MAPK8IP3: variants seen among roughly 807,000 people sequenced by gnomAD.
MAPK8IP3 encodes mitogen-activated protein kinase 8 interacting protein 3, also known as C-Jun-amino-terminal kinase-interacting protein 3.
A neutral mutation model predicts 157.8 loss-of-function variants in MAPK8IP3; 49 were observed. The ratio of observed to expected loss-of-function variants is 0.31; its 90% CI spans 0.25 to 0.39. MAPK8IP3 has a LOEUF of 0.39. MAPK8IP3 is among the 10% of genes least tolerant of loss of function. The pLI, the probability that MAPK8IP3 is intolerant of heterozygous loss-of-function variation, is 1.00. For synonymous variants in MAPK8IP3, 897 were observed against 777.7 expected, an observed-to-expected ratio of 1.15 and a Z score of -2.55; for missense variants, 1,478 against 1,889.4, an observed-to-expected ratio of 0.78 and a Z score of 4.04.
In MAPK8IP3 at chr16:1,767,221, C is replaced by T. The variant is rs1314241666; in HGVS notation, c.3161C>T (p.Ala1054Val). ...CCGCACCACTCCATCCGCTGCATGG[C>T]TGTTGTGTACGACCGCGTGTGGTGT... The part of the protein sequence containing the change: ...GHPHHSIRCM[A>V]VVYDRVWCGY... The change falls in exon 26 of 32, where the codon GCT (alanine) becomes GTT (valine). Residue 1054 changes from alanine to valine, a missense_variant. Around this residue, in one of 11 missense-constraint regions of MAPK8IP3, gnomAD observed 669 missense variants for 759.8 expected, o/e 0.88. Transcript: ENST00000610761. The T allele has an allele frequency of 1.2e-6, 2 of 1,613,500 alleles. No individual in the cohort carries two copies. The highest frequency in any genetic ancestry group is 1.1e-5 in the South Asian group (1 of 91,088).
In MAPK8IP3 at chr16:1,706,204, A is replaced by AGCG. The variant is rs975580391; in HGVS notation, c.-125_-123dup. The AGCG allele has an allele frequency of 5.8e-5, 38 of 659,012 alleles. 1 individual carries two copies. Among genetic ancestry groups the AGCG allele is most frequent in the South Asian group, 5.2e-4 (9 of 17,228 alleles). 40.8% of individuals were successfully genotyped at this position (659,012 alleles called of 1,614,324 possible). On this transcript the variant is annotated 5_prime_UTR_variant, in exon 1 of 32. Coordinates refer to ENST00000610761, the MANE Select transcript of MAPK8IP3 (RefSeq NM_001318852.2). The surrounding 1 kb of genome is among the most constrained non-coding windows in gnomAD (Gnocchi z 5.1). The stretch of plus-strand genomic sequence containing the variant: ...AGTGAGTGACGGGCGCAGCCTCGGC[A>AGCG]GCGGCGGCGGCGGAGCCCTGAGGCG...
rs1193222201 is a variant in MAPK8IP3 at position 1,769,225 on chromosome 16, CCCACCTCTGCATGCTGCTCATGGGG to C, written c.*407_*431del. 4.1e-6 allele frequency: 1 copy of C among 242,954 alleles called. No homozygotes were observed. The highest frequency in any genetic ancestry group is 8.2e-6 in the Non-Finnish European group (1 of 121,980). The allele number at this position is 242,954 out of a possible 1,614,324, so 15.0% of individuals were successfully genotyped here. A position where few individuals can be genotyped will look rare whatever the true frequency, so the allele number is the denominator to read the frequency against. ...CGCCGCCGAGGCTGCCTGCCCTGGG[CCCACCTCTGCATGCTGCTCATGGGG>C]CCACCCTGCCTCCTGGGCCCTCACT... On this transcript the variant is annotated 3_prime_UTR_variant, in exon 32 of 32. Transcript: ENST00000610761.
At chr16:1,722,289 C>T (rs2038577863) in intron 1 of MAPK8IP3, among the ~76,000 whole-genome samples, 1 of 152,190 alleles carries the variant, frequency 6.6e-6, no homozygotes, top group African/African-American at 2.4e-5. Flanking sequence ...CCTCCTGCTC[C>T]CTGCCTGCCC....
At chr16:1,725,847 G>A (rs1567148324) in intron 2 of MAPK8IP3, among the ~76,000 whole-genome samples, 1 of 151,350 alleles carries the variant, frequency 6.6e-6, no homozygotes, top group Non-Finnish European at 1.5e-5. Flanking sequence ...ACAGGTGCCC[G>A]CCACCACACC....
At chr16:1,765,319 A>C in intron 20 of MAPK8IP3, 141 bp downstream of exon 20, 1 of 1,072,098 alleles carries the variant, frequency 9.3e-7, no homozygotes, top group Non-Finnish European at 1.3e-6. Context: ...TGGGAGGGGC[A>C]GCACCCAGTC....
At chr16:1,753,780 A>G (rs2041435763) in intron 8 of MAPK8IP3, among the ~76,000 whole-genome samples, 2 of 151,744 alleles carry the variant, frequency 1.3e-5, no homozygotes, top group South Asian at 2.1e-4. Flanking sequence ...GAAAGAAAAA[A>G]CTGCTGCAAA....
chr16:1,757,161 A>G lies in MAPK8IP3; in HGVS notation c.1217-987A>G, dbSNP rs563870455. 1.2e-3 allele frequency among the ~76,000 whole-genome samples: 176 copies of G among 152,046 alleles called. 3 individuals carry two copies. Among genetic ancestry groups the G allele is most frequent in the Admixed American group, 4.6e-4 (7 of 15,270 alleles). The stretch of plus-strand genomic sequence containing the variant: ...TGCTCTGTCGCCCAGGCTGGAGTGC[A>G]GTGGCGTGATCTCAGCTCACTGCAA... On this transcript the variant is annotated intron_variant, in intron 8 of 31. Coordinates refer to ENST00000610761, the MANE Select transcript of MAPK8IP3 (RefSeq NM_001318852.2).
rs1324704081 is a variant in MAPK8IP3, at chr16:1,741,137, T to C, written c.603-2195T>C. The stretch of plus-strand genomic sequence containing the variant: ...AGCCCAGCTCCCTCACTCACCAGCC[T>C]GTGTCAGAGCCGGTGACACACCCAT... On this transcript the variant is annotated intron_variant, in intron 4 of 31. Transcript: ENST00000610761. The surrounding 1 kb of genome is among the most constrained non-coding windows in gnomAD (Gnocchi z 6.9). Among the ~76,000 whole-genome samples, 1 of 152,100 alleles carries C rather than the reference T, an allele frequency of 6.6e-6. No homozygotes were observed. The highest frequency in any genetic ancestry group is 1.5e-5 in the Non-Finnish European group (1 of 67,980).
In MAPK8IP3 at chr16:1,766,101, G is replaced by C. The variant is rs1391580347; in HGVS notation, c.2588G>C (p.Cys863Ser). Residue 863 changes from cysteine (C) to serine (S), a missense_variant, in exon 21 of 32, where the codon TGC (cysteine) becomes TCC (serine). Physicochemically the swap from Cys to Ser is moderately radical, Grantham distance 112. Transcript: ENST00000610761. ...CGCTGCAACGTGCCGCGGAGCAACT[G>C]CTCCTCCCGAGGGGACACCCCAGTG... ...ATRCNVPRSN[C>S]SSRGDTPVLD... is the part of the protein sequence containing the mutation. 1 of 1,612,668 alleles carries C rather than the reference G, an allele frequency of 6.2e-7. No individual in the cohort carries two copies. Among genetic ancestry groups the C allele is most frequent in the East Asian group, 2.2e-5 (1 of 44,874 alleles).
intron 2 of MAPK8IP3, among the ~76,000 whole-genome samples, chr16:1,728,054 T>C (rs1240768726): frequency 1.3e-5 from 2 of 152,246 alleles, no homozygotes; most frequent in Admixed American, 1.3e-4. Context: ...ATTGGTGGGC[T>C]GCAGGACAGA....
chr16:1,766,327 G>A lies in MAPK8IP3; in HGVS notation c.2737G>A (p.Ala913Thr). Reference protein sequence around the residue: ...PDPGPSEPETATLRPGPLTEH... With the variant: ...PDPGPSEPETTTLRPGPLTEH... ...CCCTGGGCCCAGCGAGCCAGAGACA[G>A]CCACATTGCGGCCCGGGCCTCTCAC... Residue 913 changes from alanine (A) to threonine (T), a missense_variant, in exon 22 of 32, where the codon GCC (alanine) becomes ACC (threonine). By Grantham distance (58) the Ala-to-Thr change is moderately conservative. Around this residue, in one of 11 missense-constraint regions of MAPK8IP3, gnomAD observed 669 missense variants for 759.8 expected, o/e 0.88. Coordinates refer to ENST00000610761, the MANE Select transcript of MAPK8IP3 (RefSeq NM_001318852.2). 1 of 1,612,746 alleles carries A rather than the reference G, an allele frequency of 6.2e-7. No individual in the cohort carries two copies. Among genetic ancestry groups the A allele is most frequent in the Non-Finnish European group, 8.5e-7 (1 of 1,179,996 alleles).
intron 14 of MAPK8IP3, 80 bp downstream of exon 14, chr16:1,762,561 C>T (rs1015177382): frequency 3.2e-6 from 5 of 1,585,960 alleles, no homozygotes; most frequent in African/African-American, 2.7e-5. Flanking sequence ...CTGCACCTCC[C>T]TGTCTTCTGG....
chr16:1,729,054 C>A, intron 2 of MAPK8IP3, 84 bp from the exon 3 acceptor site: 2 of 1,335,510 alleles, frequency 1.5e-6, no homozygotes, highest in Non-Finnish European at 2.1e-6. Context: ...GTCCTGGAAC[C>A]CCCTCCCTCT....
rs747118322 is a variant in MAPK8IP3, at chr16:1,766,583, C to T, written c.2874C>T (p.Ser958=). The change falls in exon 23 of 32, where the codon AGC becomes AGT. Residue 958 remains serine (S), a synonymous_variant. Coordinates refer to ENST00000610761, the MANE Select transcript of MAPK8IP3 (RefSeq NM_001318852.2). ...SSSTRPEPEP[S]GDPTGAGSSA... The stretch of plus-strand genomic sequence containing the variant: ...GCACACGGCCAGAGCCAGAGCCCAG[C>T]GGGGACCCCACGGGAGCAGGCAGCA... The T allele has an allele frequency of 5.0e-6, 8 of 1,612,258 alleles. No homozygotes were observed. The highest frequency in any genetic ancestry group is 1.1e-5 in the South Asian group (1 of 91,082).
At position 1,706,639 on chromosome 16, in the gene MAPK8IP3, G is replaced by A. The variant is rs775010226; in HGVS notation, c.300G>A (p.Leu100=). ...CCCAGTACGAGCGTGAGAAGGCGCT[G>A]CGCAGGCAGGCGGAGGAGGTGCGTG... ...LLTQYEREKA[L]RRQAEEKFIE... Residue 100 remains leucine (L), a synonymous_variant, in exon 1 of 32, where the codon CTG becomes CTA. Transcript: ENST00000610761. The surrounding 1 kb of genome is among the most constrained non-coding windows in gnomAD (Gnocchi z 5.1). 5 of 1,558,950 alleles carry A rather than the reference G, an allele frequency of 3.2e-6. No homozygotes were observed. The highest frequency in any genetic ancestry group is 4.3e-6 in the Non-Finnish European group (5 of 1,153,022).
Position 1,724,991 on chromosome 16 carries a change from C to G in MAPK8IP3, c.439+314C>G. Among the ~76,000 whole-genome samples, 1 of 152,130 alleles carries G rather than the reference C, an allele frequency of 6.6e-6. No homozygotes were observed. The highest frequency in any genetic ancestry group is 1.5e-5 in the Non-Finnish European group (1 of 68,040). On this transcript the variant is annotated intron_variant, in intron 2 of 31. Coordinates refer to ENST00000610761, the MANE Select transcript of MAPK8IP3 (RefSeq NM_001318852.2). This position sits in a 1 kb window ranked among gnomAD's most constrained non-coding sequence, Gnocchi z 4.1. ...CTTTTGAACAGAGCTCCTGCAGCCC[C>G]TGGGGTCCCCACCTCTTCACACTGC...
intron 1 of MAPK8IP3, among the ~76,000 whole-genome samples, chr16:1,711,011 G>A (rs1156638173): frequency 6.6e-6 from 1 of 152,232 alleles, no homozygotes; most frequent in East Asian, 1.9e-4. Flanking sequence ...GGCGCAGCCT[G>A]CCCCTCTGCC....
chr16:1,764,312 C>G lies in MAPK8IP3; in HGVS notation c.2133C>G (p.Ala711=). The G allele has an allele frequency of 6.3e-7, 1 of 1,576,848 alleles. No individual in the cohort carries two copies. Among genetic ancestry groups the G allele is most frequent in the East Asian group, 2.4e-5 (1 of 42,536 alleles). The part of the protein sequence containing the change: ...EKDPTMKLWC[A]AGVNLSGWRP... ...CCCTGCCCTTGCAGCTGTGGTGTGCCGCGGGCGTCAACCTGAGCGGGTGGA... is the reference window on the plus strand; with the variant it reads ...CCCTGCCCTTGCAGCTGTGGTGTGCGGCGGGCGTCAACCTGAGCGGGTGGA... Residue 711 remains alanine, a synonymous_variant, in exon 19 of 32, where the codon GCC becomes GCG. Coordinates refer to ENST00000610761, the MANE Select transcript of MAPK8IP3 (RefSeq NM_001318852.2).
At chr16:1,759,664 T>C (rs974760430) in intron 10 of MAPK8IP3, among the ~76,000 whole-genome samples, 4 of 152,176 alleles carry the variant, frequency 2.6e-5, no homozygotes, top group African/African-American at 9.7e-5. Flanking sequence ...GTGACAGACC[T>C]GCTGGGGGCA....
Sources: allele counts gnomAD v4.1 joint callset (sites outside exome capture counted in the v4.1 genomes callset), GRCh38; gene constraint gnomAD v4.1.1; regional missense constraint gnomAD v4.1.1; non-coding constraint Gnocchi (gnomAD v3.1); transcripts MANE v1.5; gene names NCBI Gene and HGNC (gene_info 2026-07-23, HGNC 2026-07-21).